STAB1: variants seen among roughly 807,000 people sequenced by gnomAD.
STAB1 encodes stabilin 1, also known as stabilin-1.
Under a neutral mutation model 332.4 loss-of-function variants are expected in STAB1, and 250 were observed. The observed-to-expected ratio is 0.75, with a 90% CI of 0.68 to 0.84. The LOEUF (loss-of-function observed/expected upper bound fraction) is 0.84, where lower values mean the gene tolerates loss of function less well. STAB1 is among the 40% of genes least tolerant of loss of function. STAB1 has a pLI of 0.00. For synonymous variants in STAB1, 1,475 were observed against 1,390.4 expected (o/e 1.06, Z -1.35); for missense variants, 3,249 against 3,489.7 (o/e 0.93, Z 1.74).
At chr3:52,501,855 T>C (rs1708471362) in intron 3 of STAB1, 102 bp downstream of exon 3, 1 of 1,378,610 alleles carries the variant, frequency 7.3e-7, no homozygotes, top group Non-Finnish European at 1.0e-6. Context: ...ACTTGTTTGT[T>C]TAATTAATAC....
chr3:52,504,601 G>T, intron 11 of STAB1, 52 bp downstream of exon 11: 2 of 1,612,360 alleles, frequency 1.2e-6, no homozygotes, highest in South Asian at 2.2e-5. Context: ...CTCCTCCCCT[G>T]GATGCATCCC....
Position 52,523,857 on chromosome 3 carries a change from C to CTGT in STAB1, c.7396-12_7396-10dup. On this transcript the variant is annotated splice_polypyrimidine_tract_variant and intron_variant, in intron 66 of 68. Transcript: ENST00000321725. ...AGCTCCCGCCAGGTCAACACTCTCC[C>CTGT]TGTTTGTTTGTAGCAGGCAGTGCTG... 2 of 1,593,604 alleles carry CTGT rather than the reference C, an allele frequency of 1.3e-6. No individual in the cohort carries two copies. Among genetic ancestry groups the CTGT allele is most frequent in the South Asian group, 1.1e-5 (1 of 89,894 alleles).
At chr3:52,512,802 C>A (rs550999908) in intron 28 of STAB1, 26 bp from the exon 29 acceptor site, 1 of 1,605,454 alleles carries the variant, frequency 6.2e-7, no homozygotes, top group South Asian at 1.1e-5. Flanking sequence ...TCGCTCCTCC[C>A]GCCCCTGCTC....
rs1575321234 is a variant in STAB1 at position 52,507,979 on chromosome 3, A to C, written c.2101A>C (p.Asn701His). ...CVYIHDPTGL[N>H]VLKKGCASYC... is the part of the protein sequence containing the mutation. ...CTACATCCATGACCCAACGGGGCTCAATGTGCTAAAGAAGGGCTGTGCCAG... is the reference window on the plus strand; with the variant it reads ...CTACATCCATGACCCAACGGGGCTCCATGTGCTAAAGAAGGGCTGTGCCAG... Residue 701 changes from asparagine to histidine, a missense_variant, in exon 20 of 69, where the codon AAT becomes CAT. Physicochemically the swap from Asn to His is moderately conservative, Grantham distance 68. Coordinates refer to ENST00000321725, the MANE Select transcript of STAB1 (RefSeq NM_015136.3). 1.2e-6 allele frequency: 2 copies of C among 1,613,646 alleles called. No homozygotes were observed. The highest frequency in any genetic ancestry group is 2.7e-5 in the African/African-American group (2 of 75,050).
rs770722351 is a variant in STAB1, at chr3:52,505,105, C to T, written c.1480C>T (p.Arg494Trp). The T allele has an allele frequency of 6.2e-6, 10 of 1,613,516 alleles. No individual in the cohort carries two copies. The highest frequency in any genetic ancestry group is 1.6e-4 in the Middle Eastern group (1 of 6,062). Residue 494 changes from arginine to tryptophan, a missense_variant, in exon 13 of 69, where the codon CGG becomes TGG. Physicochemically the swap from Arg to Trp is moderately radical, Grantham distance 101. Transcript: ENST00000321725. ...CGTCTTCCACGTGGTCACTGGCCTG[C>T]GGTGGCAGGCCCCCTCTGGGACCCC... ...NGVFHVVTGL[R>W]WQAPSGTPGD...
At position 52,513,795 on chromosome 3, in the gene STAB1, G is replaced by T; in HGVS notation, c.3348+1G>T. ...CGGTGTCCTACACATCCTCAGCCAG[G>T]TACAGCAGGAGGAGGGTGTGTGCAG... On this transcript the variant is annotated splice_donor_variant, in intron 31 of 68. Coordinates refer to ENST00000321725, the MANE Select transcript of STAB1 (RefSeq NM_015136.3). LOFTEE classifies it high-confidence loss of function. 1 of 1,613,380 alleles carries T rather than the reference G, an allele frequency of 6.2e-7. No homozygotes were observed. Among genetic ancestry groups the T allele is most frequent in the Non-Finnish European group, 8.5e-7 (1 of 1,179,998 alleles).
rs781494687 is a variant in STAB1 at position 52,504,452 on chromosome 3, G to GC, written c.1151-3dup. ...CTCCCTTCTGATGCTCCCTCACCCT[G>GC]CCCCCCAGACCAGGGCTGCCGGGAA... On this transcript the variant is annotated splice_polypyrimidine_tract_variant and intron_variant, in intron 10 of 68. Coordinates refer to ENST00000321725, the MANE Select transcript of STAB1 (RefSeq NM_015136.3). The GC allele has an allele frequency of 1.9e-6, 3 of 1,613,326 alleles. No individual in the cohort carries two copies. The highest frequency in any genetic ancestry group is 1.1e-5 in the South Asian group (1 of 91,046).
intron 50 of STAB1, 109 bp downstream of exon 50, chr3:52,519,673 C>T (rs1012879184): frequency 1.2e-5 from 17 of 1,468,900 alleles, no homozygotes; most frequent in South Asian, 8.6e-5. Flanking sequence ...CACACTGTCC[C>T]GTGTGAGCCT....
intron 31 of STAB1, 35 bp downstream of exon 31, chr3:52,513,829 G>T (rs1479905416): frequency 1.2e-6 from 2 of 1,613,026 alleles, no homozygotes; most frequent in Non-Finnish European, 1.7e-6. Context: ...AGGGAAACTT[G>T]CAGGCAGGCC....
At chr3:52,505,491 C>A in intron 14 of STAB1, 110 bp downstream of exon 14, 1 of 1,273,456 alleles carries the variant, frequency 7.9e-7, no homozygotes. Flanking sequence ...AGTAGCATGG[C>A]CTCTGCCCAT....
rs79115003 is a variant in STAB1 at position 52,510,088 on chromosome 3, C to T, written c.2534+32C>T. The T allele has an allele frequency of 3.0e-4, 486 of 1,613,422 alleles. 3 individuals carry two copies. In the East Asian group the frequency reaches 0.01, roughly 34 times the overall value. On this transcript the variant is annotated intron_variant, in intron 23 of 68. Transcript: ENST00000321725. Reference sequence around the variant, plus strand: ...ACCCACACCTTCTGTCTGCCCCACCCGTGACCTTTCATACCTGAGGCTCAC... The same window carrying T: ...ACCCACACCTTCTGTCTGCCCCACCTGTGACCTTTCATACCTGAGGCTCAC...
At chr3:52,520,337 C>T (rs1176128862) in intron 52 of STAB1, 47 bp downstream of exon 52, 2 of 1,612,862 alleles carry the variant, frequency 1.2e-6, no homozygotes, top group East Asian at 2.2e-5. Context: ...GAGGCAGGGG[C>T]CCTGGCAGTA....
At position 52,523,739 on chromosome 3, in the gene STAB1, C is replaced by G; in HGVS notation, c.7378C>G (p.Leu2460Val). 6.3e-7 allele frequency: 1 copy of G among 1,599,180 alleles called. No homozygotes were observed. The highest frequency in any genetic ancestry group is 8.6e-7 in the Non-Finnish European group (1 of 1,168,618). Residue 2460 changes from leucine to valine, a missense_variant, in exon 66 of 69, where the codon CTG becomes GTG. By Grantham distance (32) the Leu-to-Val change is conservative. Coordinates refer to ENST00000321725, the MANE Select transcript of STAB1 (RefSeq NM_015136.3). ...CATCCATGCTCTGGCCAGCCCCCTC[C>G]TGGCACCCCCACAGCCCGTGAGTTG... ...GIIHALASPL[L>V]APPQPQAVLA... is the part of the protein sequence containing the mutation.
Position 52,524,142 on chromosome 3 carries a change from G to A in STAB1, c.7585G>A (p.Gly2529Arg), listed in dbSNP as rs1327414443. The A allele has an allele frequency of 2.5e-6, 4 of 1,613,988 alleles. No individual in the cohort carries two copies. Among genetic ancestry groups the A allele is most frequent in the Admixed American group, 3.3e-5 (2 of 60,036 alleles). Residue 2529 changes from glycine to arginine, a missense_variant, in exon 68 of 69, where the codon GGG becomes AGG. Transcript: ENST00000321725. ...TGACGACTTCTCACCGTGGCAAGAA[G>A]GGACCAACCCCACCCTGGTCTCTGT... ...ADDDFSPWQE[G>R]TNPTLVSVPN...
Position 52,516,236 on chromosome 3 carries a change from G to A in STAB1, c.4142G>A (p.Gly1381Glu). The stretch of plus-strand genomic sequence containing the variant: ...GGCCGCTACGGGCCCAACTGCACCG[G>A]AGGTGAGGACTGGGGAGGGGCGGGG... ...ELGRYGPNCT[G>E]VCDCAHGLCQ... is the part of the protein sequence containing the mutation. The change falls in exon 38 of 69, where the codon GGA (glycine) becomes GAA (glutamate). Residue 1381 changes from glycine to glutamate, a missense_variant and splice_region_variant. Coordinates refer to ENST00000321725, the MANE Select transcript of STAB1 (RefSeq NM_015136.3). 1.2e-6 allele frequency: 2 copies of A among 1,611,594 alleles called. No homozygotes were observed. The highest frequency in any genetic ancestry group is 1.7e-5 in the Admixed American group (1 of 59,734).
chr3:52,516,776 C>A lies in STAB1; in HGVS notation c.4363+8C>A. On this transcript the variant is annotated splice_region_variant and intron_variant, in intron 41 of 68. Transcript: ENST00000321725. ...ATGGCATCTTCTGTTCAGGTCCAGC[C>A]ACACGGATGCCCAGGGCCCTCCCTG... The A allele has an allele frequency of 1.2e-6, 2 of 1,605,616 alleles. No homozygotes were observed. Among genetic ancestry groups the A allele is most frequent in the East Asian group, 2.3e-5 (1 of 44,414 alleles).
chr3:52,497,407 C>CTTTTTTT (rs1200611448), intron 1 of STAB1, among the ~76,000 whole-genome samples: 5 of 111,774 alleles, frequency 4.5e-5, no homozygotes, highest in Non-Finnish European at 6.9e-5. Flanking sequence ...AATTCGATGC[C>CTTTTTTT]TTTTTTTTTT....
chr3:52,520,741 G>A (rs1300855875), intron 54 of STAB1, 43 bp downstream of exon 54: 1 of 1,612,658 alleles, frequency 6.2e-7, no homozygotes, highest in Admixed American at 1.7e-5. Context: ...GGTGGGGGCA[G>A]GCAGAGCCCA....
chr3:52,518,072 G>A (rs2078934914), intron 45 of STAB1, 69 bp downstream of exon 45: 1 of 1,542,316 alleles, frequency 6.5e-7, no homozygotes, highest in Non-Finnish European at 8.7e-7. Flanking sequence ...CCATGGTCTT[G>A]GCAAAGATCC....
Sources: allele counts gnomAD v4.1 joint callset (sites outside exome capture counted in the v4.1 genomes callset), GRCh38; gene constraint gnomAD v4.1.1; transcripts MANE v1.5; gene names NCBI Gene and HGNC (gene_info 2026-07-23, HGNC 2026-07-21).